AKAP6: variants seen among roughly 807,000 people sequenced by gnomAD.
AKAP6 encodes A-kinase anchor protein 6.
AKAP6 carries 58 observed loss-of-function variants against 188.5 expected under a neutral mutation model. That is an observed-to-expected ratio of 0.31 (90% CI 0.25 to 0.38). The LOEUF (loss-of-function observed/expected upper bound fraction) is 0.38, where lower values mean the gene tolerates loss of function less well. Ranked by LOEUF, AKAP6 falls within the 10% of genes least tolerant of loss-of-function variation. The pLI, the probability that AKAP6 is intolerant of heterozygous loss-of-function variation, is 1.00. For missense variants in AKAP6, 2,710 were observed against 2,740.0 expected, an observed-to-expected ratio of 0.99 and a Z score of 0.24; for synonymous variants, 989 against 998.6, an observed-to-expected ratio of 0.99 and a Z score of 0.18.
intron 1 of AKAP6, among the ~76,000 whole-genome samples, chr14:32,403,727 A>G (rs1384079491): frequency 2.0e-5 from 3 of 152,250 alleles, no homozygotes; most frequent in Non-Finnish European, 4.4e-5. Context: ...AGTGCTTTGC[A>G]CACATATTAA....
intron 1 of AKAP6, among the ~76,000 whole-genome samples, chr14:32,343,746 CAAAAAAAAAAA>C (rs56376110): frequency 5.4e-5 from 2 of 37,266 alleles, no homozygotes; most frequent in Non-Finnish European, 9.7e-5. Context: ...GATTCCGTCT[CAAAAAAAAAAA>C]AAAAAAAAAA....
At chr14:32,810,404 A>G (rs1010285762) in intron 12 of AKAP6, among the ~76,000 whole-genome samples, 3 of 152,154 alleles carry the variant, frequency 2.0e-5, no homozygotes, top group African/African-American at 7.2e-5. Context: ...AGCCCGTGTA[A>G]GAGCCCAGGA....
At chr14:32,371,392 A>G (rs1164012774) in intron 1 of AKAP6, among the ~76,000 whole-genome samples, 3 of 152,214 alleles carry the variant, frequency 2.0e-5, no homozygotes, top group South Asian at 2.1e-4. Context: ...TAGCCTGGGC[A>G]ACATAGTGAG....
At position 32,823,158 on chromosome 14, in the gene AKAP6, A is replaced by G; in HGVS notation, c.5345A>G (p.Asp1782Gly). The G allele has an allele frequency of 6.2e-7, 1 of 1,613,756 alleles. No individual in the cohort carries two copies. The highest frequency in any genetic ancestry group is 1.1e-5 in the South Asian group (1 of 91,080). The change falls in exon 13 of 14, where the codon GAT (aspartate) becomes GGT (glycine). Residue 1782 changes from aspartate (D) to glycine (G), a missense_variant. By Grantham distance (94) the Asp-to-Gly change is moderately conservative. Around this residue, in one of 2 missense-constraint regions of AKAP6, gnomAD observed 2,473 missense variants for 2,426.1 expected, o/e 1.02. Coordinates refer to ENST00000280979, the MANE Select transcript of AKAP6 (RefSeq NM_004274.5). ...DEDDDSSIAT[D>G]DEIYEDCTLM... ...GATGACGACTCCAGTATTGCAACAG[A>G]TGATGAAATTTATGAAGACTGCACC...
At chr14:32,514,836 C>A (rs1161904823) in intron 2 of AKAP6, among the ~76,000 whole-genome samples, 1 of 152,220 alleles carries the variant, frequency 6.6e-6, no homozygotes. Flanking sequence ...GGCCTGAACC[C>A]AGCATAGCAA....
At chr14:32,626,408 C>T (rs1051102011) in intron 7 of AKAP6, among the ~76,000 whole-genome samples, 2 of 151,936 alleles carry the variant, frequency 1.3e-5, no homozygotes, top group African/African-American at 4.8e-5. Context: ...TGTCATCTTC[C>T]TAAAATACAT....
chr14:32,752,915 G>A (rs749303499), intron 11 of AKAP6, among the ~76,000 whole-genome samples: 1 of 152,118 alleles, frequency 6.6e-6, no homozygotes, highest in Non-Finnish European at 1.5e-5. Flanking sequence ...GTAAGTGTGT[G>A]TATGTGTATG....
rs377595475 is a variant in AKAP6 at position 32,536,270 on chromosome 14, T to C, written c.576+465T>C. 6.6e-5 allele frequency among the ~76,000 whole-genome samples: 10 copies of C among 152,122 alleles called. No individual in the cohort carries two copies. In the East Asian group the frequency reaches 7.7e-4, roughly 12 times the overall value. On this transcript the variant is annotated intron_variant, in intron 3 of 13. Transcript: ENST00000280979. ...CAGAGAAAGAGTCACCTAATTCAGA[T>C]GGGAGGCTTTCCAAAAGAAATGACT...
At chr14:32,426,945 T>C (rs572859730) in intron 1 of AKAP6, among the ~76,000 whole-genome samples, 2 of 152,108 alleles carry the variant, frequency 1.3e-5, no homozygotes, top group Non-Finnish European at 2.9e-5. Flanking sequence ...AGTTAGCGGG[T>C]ATTTGAGGAA....
intron 2 of AKAP6, among the ~76,000 whole-genome samples, chr14:32,464,219 A>T (rs1396439409): frequency 2.0e-5 from 3 of 152,192 alleles, no homozygotes; most frequent in Non-Finnish European, 2.9e-5. Context: ...ATAGAAAAAG[A>T]GGGAATCCTC....
At chr14:32,801,988 G>A (rs1453149678) in intron 12 of AKAP6, among the ~76,000 whole-genome samples, 1 of 151,684 alleles carries the variant, frequency 6.6e-6, no homozygotes, top group African/African-American at 2.4e-5. Flanking sequence ...TAGATTTTTT[G>A]GTATTTATCC....
At chr14:32,553,748 C>T (rs1332599724) in intron 4 of AKAP6, among the ~76,000 whole-genome samples, 1 of 152,186 alleles carries the variant, frequency 6.6e-6, no homozygotes, top group African/African-American at 2.4e-5. Context: ...CAAATAAAAA[C>T]TCCTAGTAAA....
chr14:32,490,610 C>G (rs1452152803), intron 2 of AKAP6, among the ~76,000 whole-genome samples: 1 of 152,100 alleles, frequency 6.6e-6, no homozygotes, highest in Admixed American at 6.5e-5. Context: ...GGCCTCTCCT[C>G]CTTAGTGGGT....
chr14:32,476,319 A>T (rs1879063829), intron 2 of AKAP6, among the ~76,000 whole-genome samples: 1 of 152,154 alleles, frequency 6.6e-6, no homozygotes, highest in Non-Finnish European at 1.5e-5. Flanking sequence ...AGGAGGATGG[A>T]TCTATATAGA....
At chr14:32,687,637 C>T (rs1181418297) in intron 8 of AKAP6, among the ~76,000 whole-genome samples, 1 of 152,056 alleles carries the variant, frequency 6.6e-6, no homozygotes, top group Admixed American at 6.6e-5. Flanking sequence ...TAGATTAAAT[C>T]ACTAGACAAC....
intron 1 of AKAP6, among the ~76,000 whole-genome samples, chr14:32,341,789 G>A (rs545476959): frequency 1.6e-4 from 24 of 152,190 alleles, no homozygotes; most frequent in Non-Finnish European, 2.9e-4. Flanking sequence ...GGGAAGCTCA[G>A]GAGGGAGGAT....
intron 9 of AKAP6, chr14:32,718,335 T>G (rs1338753159): frequency 1.0e-6 from 1 of 985,076 alleles, no homozygotes. Context: ...CCTTAAAGCC[T>G]AAAATCTCTA....
intron 2 of AKAP6, among the ~76,000 whole-genome samples, chr14:32,490,292 G>A (rs1879943296): frequency 6.6e-6 from 1 of 152,164 alleles, no homozygotes; most frequent in Admixed American, 6.5e-5. Flanking sequence ...TCAGAGGCCT[G>A]ACATTGCTGT....
At chr14:32,457,126 AAAAC>A (rs532729996) in intron 2 of AKAP6, among the ~76,000 whole-genome samples, 14 of 152,222 alleles carry the variant, frequency 9.2e-5, no homozygotes, top group East Asian at 5.8e-4. Flanking sequence ...TAAATGGAAA[AAAAC>A]AAATCATTTC....
Sources: allele counts gnomAD v4.1 joint callset (sites outside exome capture counted in the v4.1 genomes callset), GRCh38; gene constraint gnomAD v4.1.1; regional missense constraint gnomAD v4.1.1; transcripts MANE v1.5; gene names NCBI Gene and HGNC (gene_info 2026-07-23, HGNC 2026-07-21).